ARHGEF33: variants seen among roughly 807,000 people sequenced by gnomAD.
The protein encoded by ARHGEF33 is DH and coiled-coil domain-containing protein ENSP00000381780.
Under a neutral mutation model 101.9 loss-of-function variants are expected in ARHGEF33, and 72 were observed. The observed-to-expected ratio is 0.71, with a 90% confidence interval of 0.58 to 0.86. The LOEUF (loss-of-function observed/expected upper bound fraction) is 0.86. Among genes scored for constraint, ARHGEF33 ranks in the 40% least tolerant of loss-of-function variants. The pLI is 0.00. For missense variants in ARHGEF33, 1,169 were observed against 1,111.3 expected (o/e 1.05, Z -0.74); for synonymous variants, 499 against 442.5 (o/e 1.13, Z -1.60).
At chr2:38,901,610 C>G (rs769822893) in intron 2 of ARHGEF33, among the ~76,000 whole-genome samples, 1 of 152,354 alleles carries the variant, frequency 6.6e-6, no homozygotes, top group Middle Eastern at 3.4e-3. Flanking sequence ...CAGGCTAGAG[C>G]TGAGCTTCCA....
At chr2:38,938,632 A>G (rs1371545273) in intron 9 of ARHGEF33, among the ~76,000 whole-genome samples, 1 of 152,258 alleles carries the variant, frequency 6.6e-6, no homozygotes, top group African/African-American at 2.4e-5. Context: ...CATTTAAGCT[A>G]ATAGACATTT....
At chr2:38,943,240 C>T (rs577724084) in intron 9 of ARHGEF33, among the ~76,000 whole-genome samples, 1 of 152,152 alleles carries the variant, frequency 6.6e-6, no homozygotes. Context: ...TAGCTGACCT[C>T]TTTGTGTCAG....
At chr2:38,966,246 A>C in intron 17 of ARHGEF33, 101 bp downstream of exon 17, 1 of 1,417,552 alleles carries the variant, frequency 7.1e-7, no homozygotes, top group Non-Finnish European at 9.4e-7. Flanking sequence ...GGTCTCACAC[A>C]ACTGCTTCAA....
intron 4 of ARHGEF33, among the ~76,000 whole-genome samples, chr2:38,927,271 T>C (rs1479827470): frequency 6.6e-6 from 1 of 152,246 alleles, no homozygotes; most frequent in Non-Finnish European, 1.5e-5. Context: ...ACAAAGTCAC[T>C]GTATAGTGAG....
chr2:38,905,493 C>T (rs1029868102), intron 2 of ARHGEF33, among the ~76,000 whole-genome samples: 2 of 152,164 alleles, frequency 1.3e-5, no homozygotes, highest in African/African-American at 2.4e-5. Context: ...GACTTTGAAA[C>T]GCTCCTTATA....
At chr2:38,923,553 C>G (rs531200311) in intron 4 of ARHGEF33, among the ~76,000 whole-genome samples, 1 of 152,238 alleles carries the variant, frequency 6.6e-6, no homozygotes, top group African/African-American at 2.4e-5. Flanking sequence ...AATGTAAGCT[C>G]TAAGGGCAGG....
rs1667591560 is a variant in ARHGEF33 at position 38,951,123 on chromosome 2, T to A, written c.1053+2T>A. 2 of 1,551,514 alleles carry A rather than the reference T, an allele frequency of 1.3e-6. No individual in the cohort carries two copies. The highest frequency in any genetic ancestry group is 1.7e-6 in the Non-Finnish European group (2 of 1,146,860). On this transcript the variant is annotated splice_donor_variant, in intron 11 of 17. Transcript: ENST00000409978. LOFTEE classifies it high-confidence loss of function. ...TTCCTTAAGTTAACAAATGACGAGG[T>A]AAGGTTTTTTCTGCCCCTCTATACA...
chr2:38,959,489 ATGAC>A (rs1254050244), intron 15 of ARHGEF33: 1 of 204,228 alleles, frequency 4.9e-6, no homozygotes, highest in East Asian at 1.0e-4. Flanking sequence ...ATTATTCCGT[ATGAC>A]TCTGCTAGGG....
At position 38,960,456 on chromosome 2, in the gene ARHGEF33, A is replaced by T. The variant is rs1293051417; in HGVS notation, c.2151A>T (p.Pro717=). 1 of 1,494,796 alleles carries T rather than the reference A, an allele frequency of 6.7e-7. No homozygotes were observed. Among genetic ancestry groups the T allele is most frequent in the East Asian group, 2.7e-5 (1 of 37,382 alleles). The allele number at this position is 1,494,796 out of a possible 1,614,324, so 92.6% of individuals were successfully genotyped here. ...RSLKEFPRAP[P]ADGVAPRLYS... is the part of the protein sequence containing the mutation. ...TCAAAGAGTTCCCGCGTGCGCCGCC[A>T]GCCGACGGCGTGGCCCCACGCCTCT... is the stretch of plus-strand genomic sequence containing the variant. Residue 717 remains proline, a synonymous_variant, in exon 16 of 18, where the codon CCA becomes CCT. Coordinates refer to ENST00000409978, the MANE Select transcript of ARHGEF33 (RefSeq NM_001145451.5).
chr2:38,957,991 T>C (rs1344634248), intron 14 of ARHGEF33, 43 bp from the exon 15 acceptor site: 5 of 1,547,832 alleles, frequency 3.2e-6, no homozygotes, highest in Non-Finnish European at 3.5e-6. Flanking sequence ...GAGAGCCAGT[T>C]TGCCACTGTA....
In ARHGEF33 at chr2:38,903,836, T is replaced by C. The variant is rs1030468169; in HGVS notation, c.-86+7987T>C. Among the ~76,000 whole-genome samples the C allele has an allele frequency of 3.3e-5, 5 of 152,240 alleles. No individual in the cohort carries two copies. The East Asian group carries it at 9.6e-4, about 29-fold the overall frequency. On this transcript the variant is annotated intron_variant, in intron 2 of 17. Coordinates refer to ENST00000409978, the MANE Select transcript of ARHGEF33 (RefSeq NM_001145451.5). ...CTTTAATCTCTACATCCATGATTTT[T>C]AGATGCGAGAACACCTTATCAATTA...
At chr2:38,962,275 A>T (rs1415972893) in intron 16 of ARHGEF33, among the ~76,000 whole-genome samples, 1 of 152,212 alleles carries the variant, frequency 6.6e-6, no homozygotes, top group African/African-American at 2.4e-5. Flanking sequence ...GACTTGGGAT[A>T]AGCAGAGGTT....
chr2:38,946,505 C>T (rs1054582449), intron 10 of ARHGEF33, among the ~76,000 whole-genome samples: 3 of 152,202 alleles, frequency 2.0e-5, no homozygotes, highest in African/African-American at 7.2e-5. Context: ...AATATGAAGT[C>T]TCTGGTTCTG....
In ARHGEF33 at chr2:38,962,657, C is replaced by T. The variant is rs144759355; in HGVS notation, c.2343+2009C>T. On this transcript the variant is annotated intron_variant, in intron 16 of 17. Transcript: ENST00000409978. ...TAGCAATATCATTAAAATTTTCAAG[C>T]ATGCAAAGTTCCCATTACTTATTTC... 1.3e-3 allele frequency among the ~76,000 whole-genome samples: 193 copies of T among 152,072 alleles called. 5 individuals carry two copies. In the East Asian group the frequency reaches 0.032, roughly 25 times the overall value.
chr2:38,903,494 G>A (rs1171186341), intron 2 of ARHGEF33, among the ~76,000 whole-genome samples: 1 of 151,940 alleles, frequency 6.6e-6, no homozygotes, highest in Non-Finnish European at 1.5e-5. Flanking sequence ...GGAGACAGGA[G>A]CATCCAGGAG....
intron 7 of ARHGEF33, among the ~76,000 whole-genome samples, chr2:38,932,890 A>G (rs967376224): frequency 2.0e-5 from 3 of 152,172 alleles, no homozygotes; most frequent in Non-Finnish European, 2.9e-5. Context: ...GTCATAGTTT[A>G]TTCTACTGAG....
rs1252715282 is a variant in ARHGEF33 at position 38,975,194 on chromosome 2, A to G, written c.*1351A>G. 6.6e-6 allele frequency: 1 copy of G among 152,248 alleles called. No homozygotes were observed. The highest frequency in any genetic ancestry group is 1.9e-4 in the East Asian group (1 of 5,202). The allele number at this position is 152,248 out of a possible 1,614,324, so 9.4% of individuals were successfully genotyped here. A position where few individuals can be genotyped will look rare whatever the true frequency, so the allele number is the denominator to read the frequency against. ...TTTTCTTCTCCTTGTCTGATGACAA[A>G]TTAGGAACTCACCTACTGCGTTTTG... On this transcript the variant is annotated 3_prime_UTR_variant, in exon 18 of 18. Coordinates refer to ENST00000409978, the MANE Select transcript of ARHGEF33 (RefSeq NM_001145451.5).
At chr2:38,959,772 C>G (rs1042614946) in intron 15 of ARHGEF33, 69 bp from the exon 16 acceptor site, 12 of 1,434,986 alleles carry the variant, frequency 8.4e-6, no homozygotes, top group Non-Finnish European at 1.1e-5. Context: ...CGAGGGGCGC[C>G]GGCAGGCGAG....
At chr2:38,898,733 AAG>A (rs1666175630) in intron 2 of ARHGEF33, among the ~76,000 whole-genome samples, 1 of 152,238 alleles carries the variant, frequency 6.6e-6, no homozygotes, top group African/African-American at 2.4e-5. Context: ...ATAAAGTCTC[AAG>A]GATATTTCAC....
Sources: allele counts gnomAD v4.1 joint callset (sites outside exome capture counted in the v4.1 genomes callset), GRCh38; gene constraint gnomAD v4.1.1; transcripts MANE v1.5; gene names NCBI Gene and HGNC (gene_info 2026-07-23, HGNC 2026-07-21).